KIF3C: variants seen among roughly 807,000 people sequenced by gnomAD.
KIF3C encodes the protein kinesin-like protein KIF3C.
KIF3C carries 12 observed loss-of-function variants against 67.7 expected under a neutral mutation model. That is an observed-to-expected ratio of 0.18 (90% CI 0.11 to 0.29). KIF3C has a LOEUF of 0.29. KIF3C is among the 10% of genes least tolerant of loss of function. The probability of loss-of-function intolerance (pLI) is 1.00; values close to 1 mark genes in which losing one functional copy is unlikely to be tolerated. For missense variants in KIF3C, 789 were observed against 1,059.6 expected (o/e 0.74, Z 3.55); for synonymous variants, 393 against 426.2 (o/e 0.92, Z 0.96).
intron 5 of KIF3C, among the ~76,000 whole-genome samples, chr2:25,944,561 G>A (rs995167161): frequency 1.3e-5 from 2 of 151,934 alleles, no homozygotes; most frequent in African/African-American, 4.8e-5. Flanking sequence ...ATGTTGCCCA[G>A]GCTGGTTTCA....
intron 1 of KIF3C, among the ~76,000 whole-genome samples, chr2:25,966,109 G>A (rs1034698943): frequency 6.6e-6 from 1 of 151,462 alleles, no homozygotes; most frequent in Non-Finnish European, 1.5e-5. Flanking sequence ...CTGTCTAGAT[G>A]CTCTTTTTTT....
At chr2:25,952,100 G>C (rs568173938) in intron 4 of KIF3C, among the ~76,000 whole-genome samples, 195 bp from the exon 5 acceptor site, 2 of 152,096 alleles carry the variant, frequency 1.3e-5, no homozygotes, top group African/African-American at 4.8e-5. Context: ...GACCATCCTG[G>C]CTAACACAGT....
At chr2:25,951,731 C>CCCG in intron 5 of KIF3C, 58 bp downstream of exon 5, 4 of 1,189,830 alleles carry the variant, frequency 3.4e-6, no homozygotes, top group Non-Finnish European at 5.0e-6. Context: ...CCTCACCAGC[C>CCCG]CCGACCTGGA....
In KIF3C at chr2:25,980,922, C is replaced by A; in HGVS notation, c.996G>T (p.Gly332=). 5.6e-6 allele frequency: 9 copies of A among 1,613,942 alleles called. No individual in the cohort carries two copies. Among genetic ancestry groups the A allele is most frequent in the Non-Finnish European group, 7.6e-6 (9 of 1,179,894 alleles). The change falls in exon 1 of 8, where the codon GGG becomes GGT. Residue 332 remains glycine, a synonymous_variant. Coordinates refer to ENST00000264712, the MANE Select transcript of KIF3C (RefSeq NM_002254.8). This position sits in a 1 kb window ranked among gnomAD's most constrained non-coding sequence, Gnocchi z 7.6. ...LTRLLQDSLG[G]NAKTIMVATL... is the part of the protein sequence containing the mutation. ...TGGCTACCATGATGGTCTTGGCATT[C>A]CCCCCCAGGGAGTCCTGGAGCAGCC...
chr2:25,946,612 C>T (rs978758010), intron 5 of KIF3C, among the ~76,000 whole-genome samples: 4 of 151,944 alleles, frequency 2.6e-5, no homozygotes, highest in Non-Finnish European at 4.4e-5. Flanking sequence ...CACTTGAACC[C>T]GGGAGGCGGA....
Position 25,955,741 on chromosome 2 carries a change from C to T in KIF3C, c.1648-78G>A. 1.3e-6 allele frequency: 2 copies of T among 1,547,116 alleles called. No individual in the cohort carries two copies. Among genetic ancestry groups the T allele is most frequent in the Non-Finnish European group, 1.8e-6 (2 of 1,131,690 alleles). On this transcript the variant is annotated intron_variant, in intron 2 of 7. Coordinates refer to ENST00000264712, the MANE Select transcript of KIF3C (RefSeq NM_002254.8). The surrounding 1 kb of genome is among the most constrained non-coding windows in gnomAD (Gnocchi z 5.0). ...GCCAGGAAAGCTCAGGGGACTGGCT[C>T]ACTCTGCCTGTCTCGGGACCTGGCT...
At chr2:25,934,137 A>T (rs1389460634) in intron 5 of KIF3C, 1 of 471,098 alleles carries the variant, frequency 2.1e-6, no homozygotes, top group South Asian at 1.5e-5. Context: ...ATATTGTGTG[A>T]TTCCATTTAC....
intron 7 of KIF3C, 76 bp from the exon 8 acceptor site, chr2:25,929,147 C>A: frequency 1.4e-6 from 2 of 1,436,082 alleles, no homozygotes; most frequent in South Asian, 1.2e-5. Flanking sequence ...CTCTCCTTTG[C>A]CCCATCCTGT....
Position 25,980,682 on chromosome 2 carries a change from C to T in KIF3C, c.1236G>A (p.Lys412=). ...ACCCAGGCGGGGCGGACACGGCCTT[C>T]TTCCTGCGGCTGCTCTTCCTCCGGG... The part of the protein sequence containing the change: ...KRPRRKSSRR[K]KAVSAPPGYP... The change falls in exon 1 of 8, where the codon AAG becomes AAA. Residue 412 remains lysine (K), a synonymous_variant. Coordinates refer to ENST00000264712, the MANE Select transcript of KIF3C (RefSeq NM_002254.8). The surrounding 1 kb of genome is among the most constrained non-coding windows in gnomAD (Gnocchi z 7.6). 2.5e-6 allele frequency: 4 copies of T among 1,614,162 alleles called. No homozygotes were observed. The East Asian group carries it at 8.9e-5, about 36-fold the overall frequency.
At position 25,980,873 on chromosome 2, in the gene KIF3C, A is replaced by G; in HGVS notation, c.1045T>C (p.Tyr349His). 6.2e-7 allele frequency: 1 copy of G among 1,614,070 alleles called. No individual in the cohort carries two copies. The highest frequency in any genetic ancestry group is 8.5e-7 in the Non-Finnish European group (1 of 1,180,006). The change falls in exon 1 of 8, where the codon TAC becomes CAC. Residue 349 changes from tyrosine (Y) to histidine (H), a missense_variant. Transcript: ENST00000264712. The surrounding 1 kb of genome is among the most constrained non-coding windows in gnomAD (Gnocchi z 7.6). ...CGCAAGGTGGAGAGGCTCTCATCGT[A>G]GCTGTGAGAAGCTGGCCCCAGTGTG... ...VATLGPASHS[Y>H]DESLSTLRFA...
Position 25,980,870 on chromosome 2 carries a change from C to A in KIF3C, c.1048G>T (p.Asp350Tyr). 2 of 1,614,160 alleles carry A rather than the reference C, an allele frequency of 1.2e-6. No homozygotes were observed. Among genetic ancestry groups the A allele is most frequent in the Non-Finnish European group, 1.7e-6 (2 of 1,180,030 alleles). The change falls in exon 1 of 8, where the codon GAT (aspartate) becomes TAT (tyrosine). Residue 350 changes from aspartate to tyrosine, a missense_variant. This residue lies in a region of KIF3C where 648 missense variants were observed against 807.8 expected (regional missense o/e 0.80). Transcript: ENST00000264712. This position sits in a 1 kb window ranked among gnomAD's most constrained non-coding sequence, Gnocchi z 7.6. ...AAGCGCAAGGTGGAGAGGCTCTCAT[C>A]GTAGCTGTGAGAAGCTGGCCCCAGT... ...ATLGPASHSY[D>Y]ESLSTLRFAN...
chr2:25,944,684 G>A (rs1163317479), intron 5 of KIF3C, among the ~76,000 whole-genome samples: 1 of 151,596 alleles, frequency 6.6e-6, no homozygotes, highest in African/African-American at 2.4e-5. Context: ...AGATGTATTT[G>A]CATATTTTCT....
At position 25,954,365 on chromosome 2, in the gene KIF3C, C is replaced by G. The variant is rs757531543; in HGVS notation, c.1791G>C (p.Ala597=). 2 of 1,613,820 alleles carry G rather than the reference C, an allele frequency of 1.2e-6. No individual in the cohort carries two copies. Among genetic ancestry groups the G allele is most frequent in the South Asian group, 2.2e-5 (2 of 91,076 alleles). ...KLKKLYAKLQ[A]VKAEIQDQHD... is the part of the protein sequence containing the mutation. ...GCTGGTCCTGGATCTCCGCCTTCACCGCCTGCAGCTTGGCGTAGAGCTGGG... is the reference window on the plus strand; with the variant it reads ...GCTGGTCCTGGATCTCCGCCTTCACGGCCTGCAGCTTGGCGTAGAGCTGGG... Residue 597 remains alanine, a synonymous_variant, in exon 4 of 8, where the codon GCG becomes GCC. Coordinates refer to ENST00000264712, the MANE Select transcript of KIF3C (RefSeq NM_002254.8).
In KIF3C at chr2:25,981,224, C is replaced by G; in HGVS notation, c.694G>C (p.Asp232His). 1 of 1,614,170 alleles carries G rather than the reference C, an allele frequency of 6.2e-7. No homozygotes were observed. Among genetic ancestry groups the G allele is most frequent in the Non-Finnish European group, 8.5e-7 (1 of 1,180,042 alleles). ...ITVECSERGSDGQDHIRVGKL... is the reference protein window; with the variant it reads ...ITVECSERGSHGQDHIRVGKL... ...CCCACTCGGATGTGGTCCTGGCCAT[C>G]AGAGCCACGTTCGCTGCACTCCACA... The change falls in exon 1 of 8, where the codon GAT becomes CAT. Residue 232 changes from aspartate to histidine, a missense_variant. Transcript: ENST00000264712. The surrounding 1 kb of genome is among the most constrained non-coding windows in gnomAD (Gnocchi z 8.2).
chr2:25,961,902 C>T (rs931898927), intron 1 of KIF3C, among the ~76,000 whole-genome samples: 9 of 146,528 alleles, frequency 6.1e-5, no homozygotes, highest in Admixed American at 4.8e-4. Context: ...GAGCTGAAAT[C>T]GTGCCACTGC....
chr2:25,974,721 A>G (rs1191045040), intron 1 of KIF3C, among the ~76,000 whole-genome samples: 3 of 152,012 alleles, frequency 2.0e-5, no homozygotes, highest in Non-Finnish European at 4.4e-5. Flanking sequence ...ACAGAGGGAT[A>G]GAGTGTCAAA....
chr2:25,971,165 G>A (rs1027684255), intron 1 of KIF3C, among the ~76,000 whole-genome samples: 2 of 151,462 alleles, frequency 1.3e-5, no homozygotes, highest in South Asian at 2.1e-4. Context: ...CCAGCTACTC[G>A]GGAGTCTGAG....
At chr2:25,951,946 C>A in intron 4 of KIF3C, 41 bp from the exon 5 acceptor site, 2 of 1,322,194 alleles carry the variant, frequency 1.5e-6, no homozygotes. Flanking sequence ...AATGGGTGAG[C>A]GAGAGACCAC....
At chr2:25,950,518 A>G (rs67517986) in intron 5 of KIF3C, among the ~76,000 whole-genome samples, 29,529 of 151,964 alleles carry the variant, frequency 0.19, 3,371 homozygotes, top group African/African-American at 0.32. Flanking sequence ...CACCACGCCC[A>G]GCTAGAAAGA....
Sources: allele counts gnomAD v4.1 joint callset (sites outside exome capture counted in the v4.1 genomes callset), GRCh38; gene constraint gnomAD v4.1.1; regional missense constraint gnomAD v4.1.1; non-coding constraint Gnocchi (gnomAD v3.1); transcripts MANE v1.5; gene names NCBI Gene and HGNC (gene_info 2026-07-23, HGNC 2026-07-21).